NKAIN2: variants seen among roughly 807,000 people sequenced by gnomAD.
The protein encoded by NKAIN2 is sodium/potassium-transporting ATPase subunit beta-1-interacting protein 2.
In NKAIN2, 14 loss-of-function variants were observed where a neutral mutation model predicts 32.6. That is an observed-to-expected ratio of 0.43 (90% CI 0.28 to 0.67). The LOEUF is 0.67. NKAIN2 is among the 30% of genes least tolerant of loss of function. The probability of loss-of-function intolerance (pLI) is 0.17; values close to 1 mark genes in which losing one functional copy is unlikely to be tolerated. For synonymous variants in NKAIN2, 80 were observed against 87.2 expected, an observed-to-expected ratio of 0.92 and a Z score of 0.46; for missense variants, 198 against 258.3, an observed-to-expected ratio of 0.77 and a Z score of 1.60.
intron 1 of NKAIN2, among the ~76,000 whole-genome samples, chr6:124,262,722 A>G (rs1280313211): frequency 6.6e-6 from 1 of 152,148 alleles, no homozygotes; most frequent in Non-Finnish European, 1.5e-5. Flanking sequence ...GTATTTTAGA[A>G]AGGTCATTTT....
chr6:123,985,457 A>C (rs776924072), intron 1 of NKAIN2, among the ~76,000 whole-genome samples: 3 of 152,164 alleles, frequency 2.0e-5, no homozygotes, highest in Non-Finnish European at 4.4e-5. Flanking sequence ...CAATTCTATA[A>C]AGTTAAGGAA....
chr6:124,405,799 T>G (rs78926548), intron 3 of NKAIN2, among the ~76,000 whole-genome samples: 4,205 of 152,268 alleles, frequency 0.028, 191 homozygotes, highest in African/African-American at 0.096. Context: ...TTTAATACAT[T>G]TTGCATTGCC....
intron 3 of NKAIN2, among the ~76,000 whole-genome samples, chr6:124,385,210 G>A (rs1169434468): frequency 6.6e-6 from 1 of 152,140 alleles, no homozygotes; most frequent in African/African-American, 2.4e-5. Flanking sequence ...AAAAAGTTCT[G>A]TTGGACATTT....
intron 3 of NKAIN2, among the ~76,000 whole-genome samples, chr6:124,554,609 A>G (rs1216608301): frequency 6.6e-6 from 1 of 152,160 alleles, no homozygotes; most frequent in Non-Finnish European, 1.5e-5. Context: ...AACATTTATT[A>G]TTTTTTATAA....
At chr6:123,833,897 T>C (rs1774497817) in intron 1 of NKAIN2, among the ~76,000 whole-genome samples, 1 of 151,706 alleles carries the variant, frequency 6.6e-6, no homozygotes, top group African/African-American at 2.4e-5. Flanking sequence ...CTGGCTACTT[T>C]TTGTATTTTT....
At chr6:124,232,678 C>T (rs955607830) in intron 1 of NKAIN2, among the ~76,000 whole-genome samples, 17 of 152,168 alleles carry the variant, frequency 1.1e-4, no homozygotes, top group African/African-American at 3.4e-4. Context: ...AATTTGCTTA[C>T]GTAAAATATG....
chr6:124,482,529 C>T (rs1311221213), intron 3 of NKAIN2, among the ~76,000 whole-genome samples: 1 of 152,132 alleles, frequency 6.6e-6, no homozygotes, highest in Non-Finnish European at 1.5e-5. Context: ...TTTGCTTTTG[C>T]TTTCTTACGG....
intron 3 of NKAIN2, among the ~76,000 whole-genome samples, chr6:124,562,240 A>G (rs1017980035): frequency 2.6e-5 from 4 of 152,198 alleles, no homozygotes; most frequent in African/African-American, 9.7e-5. Context: ...AAAAAGAGTA[A>G]AAAGGTTTCT....
chr6:124,387,179 AC>A (rs2114398197), intron 3 of NKAIN2, among the ~76,000 whole-genome samples: 1 of 152,292 alleles, frequency 6.6e-6, no homozygotes, highest in African/African-American at 2.4e-5. Flanking sequence ...GCATATACAT[AC>A]ATACATTTAT....
intron 1 of NKAIN2, among the ~76,000 whole-genome samples, chr6:124,104,924 C>T (rs1026891199): frequency 6.6e-6 from 1 of 152,138 alleles, no homozygotes; most frequent in African/African-American, 2.4e-5. Context: ...TCTGGATGGG[C>T]TGATTTATGT....
intron 3 of NKAIN2, among the ~76,000 whole-genome samples, chr6:124,561,521 T>A (rs926907696): frequency 6.6e-6 from 1 of 152,140 alleles, no homozygotes; most frequent in Non-Finnish European, 1.5e-5. Context: ...GCTTTCTCCC[T>A]CCCCAACCCA....
chr6:124,255,128 A>G (rs899821037), intron 1 of NKAIN2, among the ~76,000 whole-genome samples: 2 of 152,146 alleles, frequency 1.3e-5, no homozygotes, highest in Non-Finnish European at 2.9e-5. Flanking sequence ...ATTGTGGCTC[A>G]TTTCTTTATA....
intron 1 of NKAIN2, among the ~76,000 whole-genome samples, chr6:123,968,007 A>G (rs1778169649): frequency 6.6e-6 from 1 of 152,178 alleles, no homozygotes; most frequent in African/African-American, 2.4e-5. Context: ...TTCTGGATGC[A>G]TATTTCTAAC....
At chr6:124,703,515 G>C (rs996127590) in intron 4 of NKAIN2, among the ~76,000 whole-genome samples, 2 of 151,898 alleles carry the variant, frequency 1.3e-5, no homozygotes, top group African/African-American at 4.8e-5. Context: ...ATTAATCCAT[G>C]CATTCAACTG....
Position 124,780,165 on chromosome 6 carries a change from G to A in NKAIN2, c.475-11174G>A, listed in dbSNP as rs1228578701. 1.3e-5 allele frequency among the ~76,000 whole-genome samples: 2 copies of A among 152,166 alleles called. 1 individual carries two copies. The highest frequency in any genetic ancestry group is 6.3e-3 in the Middle Eastern group (2 of 316). The stretch of plus-strand genomic sequence containing the variant: ...GGTTATCAAAATCAGAACAGGTGTG[G>A]CCTGGTGGGTGGTGTAAGGGTTGGG... On this transcript the variant is annotated intron_variant, in intron 4 of 6. Coordinates refer to ENST00000368417, the MANE Select transcript of NKAIN2 (RefSeq NM_001040214.3).
At chr6:124,804,809 C>T (rs995317856) in intron 5 of NKAIN2, among the ~76,000 whole-genome samples, 3 of 152,198 alleles carry the variant, frequency 2.0e-5, no homozygotes, top group Non-Finnish European at 2.9e-5. Flanking sequence ...ACTTTTTTAA[C>T]GGGCTTAAAA....
rs192139987 is a variant in NKAIN2, at chr6:124,526,731, G to A, written c.274-131455G>A. Reference sequence around the variant, plus strand: ...GTGAGTTTTTATTGAGCACCATCTTGTAAAAGGCATAGTCCCAAATCCCAA... The same window carrying A: ...GTGAGTTTTTATTGAGCACCATCTTATAAAAGGCATAGTCCCAAATCCCAA... On this transcript the variant is annotated intron_variant, in intron 3 of 6. Coordinates refer to ENST00000368417, the MANE Select transcript of NKAIN2 (RefSeq NM_001040214.3). Among the ~76,000 whole-genome samples, 404 of 152,260 alleles carry A rather than the reference G, an allele frequency of 2.7e-3. 1 individual carries two copies. The highest frequency in any genetic ancestry group is 0.015 in the South Asian group (72 of 4,822).
intron 3 of NKAIN2, among the ~76,000 whole-genome samples, chr6:124,483,995 G>A (rs1231236718): frequency 2.0e-5 from 3 of 152,194 alleles, no homozygotes; most frequent in African/African-American, 7.2e-5. Flanking sequence ...AGCAATTTTA[G>A]ATCAGAAAGT....
intron 1 of NKAIN2, among the ~76,000 whole-genome samples, chr6:124,249,444 G>T (rs1439172434): frequency 2.0e-5 from 3 of 152,040 alleles, no homozygotes; most frequent in African/African-American, 7.2e-5. Flanking sequence ...AATCATTAAG[G>T]CAAATGTTTT....
Sources: gnomAD v4.1 joint callset for allele counts (sites outside exome capture counted in the v4.1 genomes callset) on GRCh38, gnomAD v4.1.1 for gene constraint, MANE v1.5 for transcripts, NCBI Gene and HGNC (gene_info 2026-07-23, HGNC 2026-07-21) for gene names.